RLF: variants seen among roughly 807,000 people sequenced by gnomAD.
RLF encodes the protein zinc finger protein Rlf.
In RLF, 7 loss-of-function variants were observed where a neutral mutation model predicts 162.9. The ratio of observed to expected loss-of-function variants is 0.04; its 90% CI spans 0.02 to 0.08. The LOEUF is 0.08. Among genes scored for constraint, RLF ranks in the 10% least tolerant of loss-of-function variants. The pLI, the probability that RLF is intolerant of heterozygous loss-of-function variation, is 1.00. For synonymous variants in RLF, 782 were observed against 791.5 expected (o/e 0.99, Z 0.20); for missense variants, 1,664 against 2,244.7 (o/e 0.74, Z 5.23).
chr1:40,191,107 C>T (rs1392822505), intron 3 of RLF, among the ~76,000 whole-genome samples: 1 of 152,136 alleles, frequency 6.6e-6, no homozygotes, highest in East Asian at 1.9e-4. Context: ...GTTTAGACAG[C>T]ATAAAGCTAT....
chr1:40,188,386 A>G (rs1209599770), intron 1 of RLF, among the ~76,000 whole-genome samples: 1 of 152,204 alleles, frequency 6.6e-6, no homozygotes, highest in Non-Finnish European at 1.5e-5. Flanking sequence ...ATGCCACAGT[A>G]TGAGGAATAG....
In RLF at chr1:40,239,057, G is replaced by A. The variant is rs1284483662; in HGVS notation, c.4355G>A (p.Gly1452Asp). The change falls in exon 8 of 8, where the codon GGC (glycine) becomes GAC (aspartate). Residue 1452 changes from glycine to aspartate, a missense_variant. Physicochemically the swap from Gly to Asp is moderately conservative, Grantham distance 94. This residue lies in a region of RLF where 200 missense variants were observed against 207.3 expected (regional missense o/e 0.96). Coordinates refer to ENST00000372771, the MANE Select transcript of RLF (RefSeq NM_012421.4). Reference protein sequence around the residue: ...YEIHCDLNGCGQIFTHRSNYS... With the variant: ...YEIHCDLNGCDQIFTHRSNYS... ...ATTCATTGTGATCTTAATGGCTGTG[G>A]CCAGATTTTCACCCATCGCAGTAAT... 6.2e-7 allele frequency: 1 copy of A among 1,614,102 alleles called. No individual in the cohort carries two copies.
intron 4 of RLF, among the ~76,000 whole-genome samples, chr1:40,199,487 CAGAG>C (rs956685109): frequency 3.9e-5 from 6 of 152,282 alleles, no homozygotes; most frequent in South Asian, 2.1e-4. Context: ...ACTTGAGTCT[CAGAG>C]AGGTCAGTTA....
chr1:40,226,510 T>C (rs1383020680), intron 6 of RLF, among the ~76,000 whole-genome samples: 2 of 152,238 alleles, frequency 1.3e-5, no homozygotes, highest in Non-Finnish European at 2.9e-5. Flanking sequence ...CAGATGTAGT[T>C]ACATGTCTGT....
rs184820693 is a variant in RLF at position 40,235,243 on chromosome 1, T to G, written c.1090-549T>G. Among the ~76,000 whole-genome samples the G allele has an allele frequency of 3.4e-3, 514 of 152,082 alleles. 8 individuals are homozygous for G. Among genetic ancestry groups the G allele is most frequent in the African/African-American group, 0.012 (493 of 41,468 alleles). On this transcript the variant is annotated intron_variant, in intron 7 of 7. Coordinates refer to ENST00000372771, the MANE Select transcript of RLF (RefSeq NM_012421.4). ...CACCTGGCTAATTTTGTATTTTTAG[T>G]AGAGACGGGGTTTCTCCGTGTTGGT...
chr1:40,186,112 T>G (rs528142632), intron 1 of RLF, among the ~76,000 whole-genome samples: 2 of 151,928 alleles, frequency 1.3e-5, no homozygotes, highest in East Asian at 3.9e-4. Flanking sequence ...GAGCCGAGAT[T>G]TCACCACCGC....
intron 1 of RLF, among the ~76,000 whole-genome samples, chr1:40,164,033 A>G (rs1642133558): frequency 6.6e-6 from 1 of 152,234 alleles, no homozygotes; most frequent in Non-Finnish European, 1.5e-5. Context: ...AATAAGATAT[A>G]TTCATTTACT....
At position 40,238,394 on chromosome 1, in the gene RLF, T is replaced by G. The variant is rs1380278196; in HGVS notation, c.3692T>G (p.Leu1231Arg). ...TTGAAAGGTGATTGTTCTGCAGAAC[T>G]TGGAGGTGATCCCAGTAGTAACTCT... ...DRLKGDCSAE[L>R]GGDPSSNSEK... Residue 1231 changes from leucine (L) to arginine (R), a missense_variant, in exon 8 of 8, where the codon CTT becomes CGT. Transcript: ENST00000372771. This position sits in a 1 kb window ranked among gnomAD's most constrained non-coding sequence, Gnocchi z 5.2. The G allele has an allele frequency of 2.5e-6, 4 of 1,614,156 alleles. No homozygotes were observed. The highest frequency in any genetic ancestry group is 3.4e-6 in the Non-Finnish European group (4 of 1,180,014).
Position 40,237,844 on chromosome 1 carries a change from A to AT in RLF, c.3145dup (p.Cys1049LeufsTer4). On this transcript the variant is annotated frameshift_variant, in exon 8 of 8. Coordinates refer to ENST00000372771, the MANE Select transcript of RLF (RefSeq NM_012421.4). LOFTEE classifies it high-confidence loss of function. The surrounding 1 kb of genome is among the most constrained non-coding windows in gnomAD (Gnocchi z 4.4). The stretch of plus-strand genomic sequence containing the variant: ...TCAAGGTTATTCCTCAGAATCCTCC[A>AT]TTTGTGCTTCTAAAAGGCCCTGTAC... 1 of 1,614,120 alleles carries AT rather than the reference A, an allele frequency of 6.2e-7. No homozygotes were observed. The highest frequency in any genetic ancestry group is 8.5e-7 in the Non-Finnish European group (1 of 1,180,008).
intron 1 of RLF, among the ~76,000 whole-genome samples, chr1:40,178,425 A>G (rs1473241089): frequency 6.6e-6 from 1 of 152,140 alleles, no homozygotes. Flanking sequence ...TTGTTTTTTA[A>G]TGAGTTCAGA....
rs775478101 is a variant in RLF, at chr1:40,236,691, C to T, written c.1989C>T (p.Cys663=). 6.2e-7 allele frequency: 1 copy of T among 1,614,000 alleles called. No homozygotes were observed. The highest frequency in any genetic ancestry group is 8.5e-7 in the Non-Finnish European group (1 of 1,179,986). The change falls in exon 8 of 8, where the codon TGC becomes TGT. Residue 663 remains cysteine (C), a synonymous_variant. Transcript: ENST00000372771. This position sits in a 1 kb window ranked among gnomAD's most constrained non-coding sequence, Gnocchi z 7.7. ...EYVTFSKLED[C]HLQDRDLYPC... is the part of the protein sequence containing the mutation. Reference sequence around the variant, plus strand: ...TCACATTCAGCAAATTAGAAGATTGCCACCTGCAAGACAGAGATTTGTATC... The same window carrying T: ...TCACATTCAGCAAATTAGAAGATTGTCACCTGCAAGACAGAGATTTGTATC...
intron 1 of RLF, among the ~76,000 whole-genome samples, chr1:40,174,204 C>G (rs1642284161): frequency 6.6e-6 from 1 of 152,086 alleles, no homozygotes; most frequent in Non-Finnish European, 1.5e-5. Flanking sequence ...AACCCTGTCT[C>G]TACTAAAACT....
Position 40,239,072 on chromosome 1 carries a change from A to G in RLF, c.4370A>G (p.His1457Arg). The change falls in exon 8 of 8, where the codon CAT becomes CGT. Residue 1457 changes from histidine to arginine, a missense_variant. Transcript: ENST00000372771. Reference protein sequence around the residue: ...DLNGCGQIFTHRSNYSQHVYY... With the variant: ...DLNGCGQIFTRRSNYSQHVYY... ...AATGGCTGTGGCCAGATTTTCACCC[A>G]TCGCAGTAATTACTCACAACATGTA... The G allele has an allele frequency of 5.6e-6, 9 of 1,614,204 alleles. No individual in the cohort carries two copies. The highest frequency in any genetic ancestry group is 6.8e-6 in the Non-Finnish European group (8 of 1,180,046).
intron 1 of RLF, among the ~76,000 whole-genome samples, chr1:40,171,088 A>G (rs1642238015): frequency 6.6e-6 from 1 of 152,134 alleles, no homozygotes. Context: ...ATGCAGTGGT[A>G]CAATCTTAGC....
intron 1 of RLF, among the ~76,000 whole-genome samples, chr1:40,182,288 G>T (rs573709534): frequency 2.0e-5 from 3 of 152,236 alleles, no homozygotes; most frequent in African/African-American, 7.2e-5. Context: ...CAAAAAATTA[G>T]CCAGGCATGG....
chr1:40,236,845 A>C lies in RLF; in HGVS notation c.2143A>C (p.Lys715Gln). The change falls in exon 8 of 8, where the codon AAG becomes CAG. Residue 715 changes from lysine to glutamine, a missense_variant. Physicochemically the swap from Lys to Gln is moderately conservative, Grantham distance 53. Around this residue, in one of 15 missense-constraint regions of RLF, gnomAD observed 69 missense variants for 206.4 expected, o/e 0.33. Coordinates refer to ENST00000372771, the MANE Select transcript of RLF (RefSeq NM_012421.4). The surrounding 1 kb of genome is among the most constrained non-coding windows in gnomAD (Gnocchi z 7.7). ...CTTGGATATGAAAAATAGAAGAGAGAAGTGTACTTACTGTCGACGACATTT... is the reference window on the plus strand; with the variant it reads ...CTTGGATATGAAAAATAGAAGAGAGCAGTGTACTTACTGTCGACGACATTT... The part of the protein sequence containing the change: ...HYLDMKNRRE[K>Q]CTYCRRHFMS... The C allele has an allele frequency of 6.2e-7, 1 of 1,614,122 alleles. No individual in the cohort carries two copies. The highest frequency in any genetic ancestry group is 8.5e-7 in the Non-Finnish European group (1 of 1,180,006).
chr1:40,240,538 C>G lies in RLF; in HGVS notation c.*91C>G, dbSNP rs1459717459. The G allele has an allele frequency of 6.7e-6, 6 of 900,122 alleles. No homozygotes were observed. Among genetic ancestry groups the G allele is most frequent in the Non-Finnish European group, 3.5e-6 (2 of 570,434 alleles). The allele number at this position is 900,122 out of a possible 1,614,324, so 55.8% of individuals were successfully genotyped here. A position where few individuals can be genotyped will look rare whatever the true frequency, so the allele number is the denominator to read the frequency against. On this transcript the variant is annotated 3_prime_UTR_variant, in exon 8 of 8. Transcript: ENST00000372771. ...AACAAAGGCTGAGAAGCAGCCACACCGTTGTTTAGGGTAGAATAGGCTGTG... is the reference window on the plus strand; with the variant it reads ...AACAAAGGCTGAGAAGCAGCCACACGGTTGTTTAGGGTAGAATAGGCTGTG...
chr1:40,218,200 C>T (rs1642950636), intron 5 of RLF, among the ~76,000 whole-genome samples: 2 of 152,144 alleles, frequency 1.3e-5, no homozygotes. Context: ...TATCATTGGC[C>T]TGTATGATAA....
chr1:40,211,784 G>C (rs1004835759), intron 5 of RLF, among the ~76,000 whole-genome samples: 1 of 150,220 alleles, frequency 6.7e-6, no homozygotes, highest in African/African-American at 2.5e-5. Flanking sequence ...ACCACGCCTG[G>C]CTAATTTTTG....
Sources: allele counts gnomAD v4.1 joint callset (sites outside exome capture counted in the v4.1 genomes callset), GRCh38; gene constraint gnomAD v4.1.1; regional missense constraint gnomAD v4.1.1; non-coding constraint Gnocchi (gnomAD v3.1); transcripts MANE v1.5; gene names NCBI Gene and HGNC (gene_info 2026-07-23, HGNC 2026-07-21).